Variants in PCDHA6 observed in about 807,000 individuals in gnomAD.
PCDHA6 encodes the protein protocadherin alpha-6.
Under a neutral mutation model 60.3 loss-of-function variants are expected in PCDHA6, and 55 were observed. The observed-to-expected ratio is 0.91, with a 90% CI of 0.73 to 1.14. PCDHA6 has a LOEUF of 1.14. PCDHA6 is among the 50% of genes most tolerant of loss of function. The pLI is 0.00. For missense variants in PCDHA6, 1,327 were observed against 1,256.5 expected (o/e 1.06, Z -0.85); for synonymous variants, 652 against 557.9 (o/e 1.17, Z -2.38).
chr5:140,884,734 C>A (rs1198575388), intron 1 of PCDHA6: 5 of 1,445,332 alleles, frequency 3.5e-6, no homozygotes, highest in Non-Finnish European at 4.6e-6. Flanking sequence ...TTTAAGACAT[C>A]TTTCCTGCCA....
chr5:140,901,301 G>A (rs990062811), intron 1 of PCDHA6, among the ~76,000 whole-genome samples: 11 of 152,112 alleles, frequency 7.2e-5, no homozygotes, highest in Non-Finnish European at 1.5e-4. Flanking sequence ...CTGATGTTCC[G>A]GAGAGTTTCC....
At chr5:140,842,393 C>T in intron 1 of PCDHA6, 4 of 1,611,054 alleles carry the variant, frequency 2.5e-6, no homozygotes, top group Non-Finnish European at 3.4e-6. Context: ...CTTATCCTTG[C>T]CTGTACGTGA....
intron 1 of PCDHA6, among the ~76,000 whole-genome samples, chr5:140,903,855 AAT>A (rs2070667296): frequency 6.6e-6 from 1 of 152,186 alleles, no homozygotes; most frequent in Non-Finnish European, 1.5e-5. Context: ...CTTAACAAAT[AAT>A]ATAGAGTAAA....
At position 140,830,437 on chromosome 5, in the gene PCDHA6, G is replaced by A. The variant is rs2150186472; in HGVS notation, c.2346G>A (p.Met782Ile). 1.2e-6 allele frequency: 2 copies of A among 1,612,984 alleles called. No individual in the cohort carries two copies. Among genetic ancestry groups the A allele is most frequent in the South Asian group, 1.1e-5 (1 of 91,012 alleles). Residue 782 changes from methionine (M) to isoleucine (I), a missense_variant, in exon 1 of 4, where the codon ATG (methionine) becomes ATA (isoleucine). Coordinates refer to ENST00000529310, the MANE Select transcript of PCDHA6 (RefSeq NM_018909.4). ...FSPSLSPCPI[M>I]MGKAENQDLN... ...CCAGCCTTTCACCTTGTCCTATTAT[G>A]ATGGGTAAGGCGGAGAATCAGGATT...
rs561529051 is a variant in PCDHA6 at position 140,929,034 on chromosome 5, C to G, written c.2395-49915C>G. On this transcript the variant is annotated intron_variant, in intron 1 of 3. Transcript: ENST00000529310. ...AGTTGCACCAGAGCCCAGGCTGTTGCGCTCAGAGCTGCTGTCGCTCTACAG... is the reference window on the plus strand; with the variant it reads ...AGTTGCACCAGAGCCCAGGCTGTTGGGCTCAGAGCTGCTGTCGCTCTACAG... 2.8e-5 allele frequency: 46 copies of G among 1,614,040 alleles called. No homozygotes were observed. The South Asian group carries it at 4.8e-4, about 17-fold the overall frequency.
chr5:140,933,694 C>T (rs782754431), intron 1 of PCDHA6, among the ~76,000 whole-genome samples: 8 of 151,858 alleles, frequency 5.3e-5, no homozygotes, highest in South Asian at 4.1e-4. Flanking sequence ...TCCTATTCCT[C>T]GGACACATTT....
chr5:140,876,031 G>T (rs1554168208), intron 1 of PCDHA6: 1 of 1,613,702 alleles, frequency 6.2e-7, no homozygotes. Flanking sequence ...AACAAAAAAA[G>T]ATAAAAGTAT....
chr5:140,947,784 T>C (rs2094176527), intron 1 of PCDHA6, among the ~76,000 whole-genome samples: 1 of 151,672 alleles, frequency 6.6e-6, no homozygotes, highest in Non-Finnish European at 1.5e-5. Context: ...AAATGGATTT[T>C]AAACAGACTT....
chr5:140,877,818 T>C (rs1207543793), intron 1 of PCDHA6: 1 of 1,608,890 alleles, frequency 6.2e-7, no homozygotes, highest in Non-Finnish European at 8.5e-7. Flanking sequence ...CTCGAGAAGA[T>C]TGTTTAAATC....
chr5:140,968,639 G>C (rs1278507600), intron 1 of PCDHA6: 1 of 1,614,032 alleles, frequency 6.2e-7, no homozygotes, highest in Non-Finnish European at 8.5e-7. Flanking sequence ...TTACCATCTA[G>C]CCCAGACTTC....
chr5:140,837,740 G>T (rs1328705494), intron 1 of PCDHA6, among the ~76,000 whole-genome samples: 2 of 151,462 alleles, frequency 1.3e-5, no homozygotes, highest in Non-Finnish European at 2.9e-5. Flanking sequence ...GCAGTGGTGG[G>T]ATTATAGCCC....
intron 1 of PCDHA6, among the ~76,000 whole-genome samples, chr5:140,916,660 T>A (rs2077673786): frequency 6.6e-6 from 1 of 152,172 alleles, no homozygotes; most frequent in African/African-American, 2.4e-5. Flanking sequence ...GTATCCAAGA[T>A]GCAAGACAAA....
intron 1 of PCDHA6, among the ~76,000 whole-genome samples, chr5:140,952,745 A>G (rs1554220592): frequency 6.6e-6 from 1 of 152,220 alleles, no homozygotes; most frequent in African/African-American, 2.4e-5. Context: ...TCACACTGCT[A>G]TAAAAACACC....
At chr5:140,942,754 A>C (rs1157116096) in intron 1 of PCDHA6, among the ~76,000 whole-genome samples, 1 of 152,212 alleles carries the variant, frequency 6.6e-6, no homozygotes, top group African/African-American at 2.4e-5. Context: ...TGTATAAATG[A>C]GATGGCATAA....
intron 1 of PCDHA6, chr5:140,884,245 G>A: frequency 6.2e-7 from 1 of 1,613,462 alleles, no homozygotes; most frequent in Non-Finnish European, 8.5e-7. Context: ...AGCCCGCGCT[G>A]ACGGCCACGG....
chr5:140,853,370 G>T lies in PCDHA6; in HGVS notation c.2394+22885G>T, dbSNP rs1365315114. On this transcript the variant is annotated intron_variant, in intron 1 of 3. Coordinates refer to ENST00000529310, the MANE Select transcript of PCDHA6 (RefSeq NM_018909.4). ...CATGAACTCACAGGGATCCAGAGAT[G>T]GTAAAATTCAAAACAGCCTGTCAAG... 3 of 983,178 alleles carry T rather than the reference G, an allele frequency of 3.1e-6. 1 individual carries two copies. The highest frequency in any genetic ancestry group is 3.7e-6 in the Non-Finnish European group (3 of 815,894). The allele number at this position is 983,178 out of a possible 1,614,324, so 60.9% of individuals were successfully genotyped here. A position where few individuals can be genotyped will look rare whatever the true frequency, so the allele number is the denominator to read the frequency against.
At chr5:140,908,348 T>C (rs977122453) in intron 1 of PCDHA6, among the ~76,000 whole-genome samples, 43 of 152,160 alleles carry the variant, frequency 2.8e-4, no homozygotes, top group Non-Finnish European at 5.3e-4. Flanking sequence ...CACTACCTCA[T>C]GTAACTTACT....
At chr5:140,968,852 A>G (rs1554231175) in intron 1 of PCDHA6, 1 of 1,614,196 alleles carries the variant, frequency 6.2e-7, no homozygotes, top group Non-Finnish European at 8.5e-7. Flanking sequence ...GAGGCATGTT[A>G]AGAGCCCTCG....
At chr5:140,962,585 T>C (rs2095694248) in intron 1 of PCDHA6, among the ~76,000 whole-genome samples, 1 of 152,216 alleles carries the variant, frequency 6.6e-6, no homozygotes, top group South Asian at 2.1e-4. Flanking sequence ...ATGCCAAATA[T>C]TTGACTGATA....
Sources: gnomAD v4.1 joint callset for allele counts (sites outside exome capture counted in the v4.1 genomes callset) on GRCh38, gnomAD v4.1.1 for gene constraint, MANE v1.5 for transcripts, NCBI Gene and HGNC (gene_info 2026-07-23, HGNC 2026-07-21) for gene names.